The following EFR3B variants were observed in gnomAD, a reference collection of about 807,000 sequenced individuals.
The protein encoded by EFR3B is EFR3 homolog B.
EFR3B carries 64 observed loss-of-function variants against 104.7 expected under a neutral mutation model. The ratio of observed to expected loss-of-function variants is 0.61; its 90% confidence interval spans 0.50 to 0.75. The LOEUF is 0.75. Among genes scored for constraint, EFR3B ranks in the 30% least tolerant of loss-of-function variants. EFR3B has a pLI of 0.00. For missense variants in EFR3B, 750 were observed against 1,078.5 expected, an observed-to-expected ratio of 0.70 and a Z score of 4.27; for synonymous variants, 385 against 417.9, an observed-to-expected ratio of 0.92 and a Z score of 0.96.
At chr2:25,064,140 GCACCGTGAC>G (rs1406969375) in intron 1 of EFR3B, among the ~76,000 whole-genome samples, 1 of 152,128 alleles carries the variant, frequency 6.6e-6, no homozygotes, top group Non-Finnish European at 1.5e-5. Context: ...TTTCTCTTTG[GCACCGTGAC>G]CACCCTGGCC....
intron 4 of EFR3B, among the ~76,000 whole-genome samples, chr2:25,119,349 C>T (rs941283049): frequency 7.9e-5 from 12 of 152,216 alleles, no homozygotes; most frequent in Non-Finnish European, 1.3e-4. Flanking sequence ...ACACCCTGAC[C>T]GGACCAGCCT....
intron 2 of EFR3B, among the ~76,000 whole-genome samples, chr2:25,092,763 C>G (rs901237022): frequency 6.6e-6 from 1 of 151,208 alleles, no homozygotes; most frequent in East Asian, 2.0e-4. Context: ...TTGGCCAGGC[C>G]GGTCTCAAAC....
At position 25,042,384 on chromosome 2, in the gene EFR3B, G is replaced by T; in HGVS notation, c.7+65G>T. 4 of 1,235,058 alleles carry T rather than the reference G, an allele frequency of 3.2e-6. No individual in the cohort carries two copies. Among genetic ancestry groups the T allele is most frequent in the Non-Finnish European group, 4.0e-6 (4 of 988,214 alleles). 76.5% of individuals were successfully genotyped at this position (1,235,058 alleles called of 1,614,324 possible). A position where few individuals can be genotyped will look rare whatever the true frequency, so the allele number is the denominator to read the frequency against. On this transcript the variant is annotated intron_variant, in intron 1 of 22. Coordinates refer to ENST00000403714, the MANE Select transcript of EFR3B (RefSeq NM_014971.2). This position sits in a 1 kb window ranked among gnomAD's most constrained non-coding sequence, Gnocchi z 5.4. ...CGACTCCGCAAACTTCCCCGGCGCG[G>T]ACCATTGTCCCCCTGCACGGCCCTG...
rs559443169 is a variant in EFR3B, at chr2:25,133,218, A to C, written c.1260-165A>C. On this transcript the variant is annotated intron_variant, in intron 11 of 22. Coordinates refer to ENST00000403714, the MANE Select transcript of EFR3B (RefSeq NM_014971.2). ...AATAACCACCTCCCAACGTGGGGGG[A>C]GCCAGTCATCTCTTGGTCGGCTTCC... Among the ~76,000 whole-genome samples, 38 of 152,018 alleles carry C rather than the reference A, an allele frequency of 2.5e-4. 1 individual carries two copies. Among genetic ancestry groups the C allele is most frequent in the Non-Finnish European group, 1.2e-4 (8 of 67,982 alleles).
rs1375159288 is a variant in EFR3B at position 25,130,064 on chromosome 2, G to A, written c.725G>A (p.Arg242Gln). The change falls in exon 7 of 23, where the codon CGG becomes CAG. Residue 242 changes from arginine to glutamine, a missense_variant. Transcript: ENST00000403714. This position sits in a 1 kb window ranked among gnomAD's most constrained non-coding sequence, Gnocchi z 4.6. ...AGGTGTCTTCGGGAGCTGCTGGGCC[G>A]GGCTGCCTTTGGCAACATCAAAAAC... Reference protein sequence around the residue: ...AERCLRELLGRAAFGNIKNAI... With the variant: ...AERCLRELLGQAAFGNIKNAI... 9 of 1,551,600 alleles carry A rather than the reference G, an allele frequency of 5.8e-6. No individual in the cohort carries two copies. The highest frequency in any genetic ancestry group is 4.1e-5 in the African/African-American group (3 of 73,042).
At chr2:25,080,708 C>A in intron 1 of EFR3B, 1 of 922,230 alleles carries the variant, frequency 1.1e-6, no homozygotes. Flanking sequence ...GCGTCTTTGT[C>A]ATTTTCATCT....
At chr2:25,126,351 G>T (rs1670168687) in intron 5 of EFR3B, among the ~76,000 whole-genome samples, 1 of 151,630 alleles carries the variant, frequency 6.6e-6, no homozygotes, top group Non-Finnish European at 1.5e-5. Context: ...ACCATACCTG[G>T]CTAATTTCTT....
intron 5 of EFR3B, among the ~76,000 whole-genome samples, chr2:25,123,193 C>A (rs1670068409): frequency 1.3e-5 from 2 of 151,780 alleles, no homozygotes; most frequent in African/African-American, 4.8e-5. Context: ...TGAGACCCCA[C>A]CTCCACAAAA....
chr2:25,077,268 T>C (rs570975467), intron 1 of EFR3B, among the ~76,000 whole-genome samples: 14 of 152,182 alleles, frequency 9.2e-5, no homozygotes, highest in Non-Finnish European at 1.9e-4. Context: ...AAATAATAAG[T>C]AGCCATTAAA....
At chr2:25,087,165 A>C (rs112454139) in intron 1 of EFR3B, among the ~76,000 whole-genome samples, 1 of 151,884 alleles carries the variant, frequency 6.6e-6, no homozygotes, top group Non-Finnish European at 1.5e-5. Flanking sequence ...TCTCGTGAGA[A>C]CTCACCCACT....
intron 11 of EFR3B, 38 bp downstream of exon 11, chr2:25,133,052 T>TC: frequency 6.6e-7 from 1 of 1,518,470 alleles, no homozygotes; most frequent in Non-Finnish European, 8.9e-7. Flanking sequence ...AGTCCTCCTC[T>TC]CCCCCAGCTG....
At chr2:25,120,637 C>G (rs532645283) in intron 4 of EFR3B, among the ~76,000 whole-genome samples, 1 of 140,900 alleles carries the variant, frequency 7.1e-6, no homozygotes, top group African/African-American at 2.8e-5. Context: ...AGCAAGACTC[C>G]GTCTCAAAAA....
intron 1 of EFR3B, chr2:25,081,173 G>T: frequency 1.4e-6 from 1 of 735,388 alleles, no homozygotes; most frequent in Non-Finnish European, 2.4e-6. Flanking sequence ...CCATTTGCTT[G>T]GTAAACAACT....
intron 19 of EFR3B, chr2:25,146,897 C>T (rs1670832912): frequency 6.6e-6 from 1 of 152,370 alleles, no homozygotes; most frequent in East Asian, 1.9e-4. Flanking sequence ...AATCTGAATC[C>T]TGGTGCCTGG....
intron 1 of EFR3B, among the ~76,000 whole-genome samples, chr2:25,074,428 G>A (rs940227579): frequency 6.6e-6 from 1 of 151,980 alleles, no homozygotes; most frequent in African/African-American, 2.4e-5. Flanking sequence ...AGCCAGGCGT[G>A]GTGGTGTGTG....
In EFR3B at chr2:25,075,664, T is replaced by A. The variant is rs80188151; in HGVS notation, c.8-15661T>A. On this transcript the variant is annotated intron_variant, in intron 1 of 22. Coordinates refer to ENST00000403714, the MANE Select transcript of EFR3B (RefSeq NM_014971.2). Reference sequence around the variant, plus strand: ...TTTTACCTACCAACAATATAAGGTATTTGCAGGCAGAGACCTCAGTTCTTT... The same window carrying A: ...TTTTACCTACCAACAATATAAGGTAATTGCAGGCAGAGACCTCAGTTCTTT... Among the ~76,000 whole-genome samples, 442 of 152,326 alleles carry A rather than the reference T, an allele frequency of 2.9e-3. 11 individuals are homozygous for A. The highest frequency in any genetic ancestry group is 0.025 in the Admixed American group (381 of 15,298).
intron 19 of EFR3B, among the ~76,000 whole-genome samples, chr2:25,149,326 C>T (rs553438308): frequency 1.8e-4 from 27 of 152,110 alleles, no homozygotes; most frequent in African/African-American, 4.6e-4. Flanking sequence ...CCAGCCTGGG[C>T]GACAGAGTAA....
intron 1 of EFR3B, among the ~76,000 whole-genome samples, chr2:25,066,970 C>T (rs1668352554): frequency 6.6e-6 from 1 of 152,022 alleles, no homozygotes; most frequent in Admixed American, 6.6e-5. Context: ...GGAGTTTTAT[C>T]CTGAAGAGAA....
In EFR3B at chr2:25,147,394, A is replaced by G. The variant is rs139406639; in HGVS notation, c.2143-2300A>G. On this transcript the variant is annotated intron_variant, in intron 19 of 22. Coordinates refer to ENST00000403714, the MANE Select transcript of EFR3B (RefSeq NM_014971.2). ...TATGCTAGCAAATTGTGCAGTTTCT[A>G]TAGACTCACCTACAGTCCTGCATGT... 8 of 152,404 alleles carry G rather than the reference A, an allele frequency of 5.2e-5. No homozygotes were observed. The East Asian group carries it at 1.5e-3, about 29-fold the overall frequency. 9.4% of individuals were successfully genotyped at this position (152,404 alleles called of 1,614,324 possible).
Sources: gnomAD v4.1 joint callset for allele counts (sites outside exome capture counted in the v4.1 genomes callset) on GRCh38, gnomAD v4.1.1 for gene constraint, Gnocchi (gnomAD v3.1) non-coding constraint, MANE v1.5 for transcripts, NCBI Gene and HGNC (gene_info 2026-07-23, HGNC 2026-07-21) for gene names.